The following CLDN10 variants were observed in gnomAD, a reference collection of about 807,000 sequenced individuals.
CLDN10 encodes claudin 10.
A neutral mutation model predicts 22.9 loss-of-function variants in CLDN10; 15 were observed. The ratio of observed to expected loss-of-function variants is 0.65; its 90% CI spans 0.44 to 1.01. The LOEUF (loss-of-function observed/expected upper bound fraction) is 1.01, where lower values mean the gene tolerates loss of function less well. Among genes scored for constraint, CLDN10 ranks in the 50% least tolerant of loss-of-function variants. The pLI is 0.00. For synonymous variants in CLDN10, 114 were observed against 111.4 expected (o/e 1.02, Z -0.15); for missense variants, 247 against 287.8 (o/e 0.86, Z 1.03).
chr13:95,572,814 G>C (rs1258952042), intron 3 of CLDN10, among the ~76,000 whole-genome samples: 7 of 152,154 alleles, frequency 4.6e-5, no homozygotes, highest in Admixed American at 4.6e-4. Flanking sequence ...ACAATACCTG[G>C]CATGTCATTT....
intron 1 of CLDN10, among the ~76,000 whole-genome samples, chr13:95,507,497 A>T (rs549252418): frequency 4.5e-4 from 68 of 152,142 alleles, no homozygotes; most frequent in African/African-American, 1.6e-3. Flanking sequence ...TATAAAGACG[A>T]TGTGGGGTCA....
At chr13:95,566,612 G>T (rs185893658) in intron 3 of CLDN10, among the ~76,000 whole-genome samples, 1 of 152,278 alleles carries the variant, frequency 6.6e-6, no homozygotes, top group African/African-American at 2.4e-5. Context: ...CTGTGCAGAA[G>T]CTCTTTAGTT....
intron 1 of CLDN10, among the ~76,000 whole-genome samples, chr13:95,523,368 T>C (rs1210623608): frequency 6.6e-6 from 1 of 152,244 alleles, no homozygotes; most frequent in Non-Finnish European, 1.5e-5. Flanking sequence ...TAATTCTATA[T>C]GTATTTTAAA....
intron 1 of CLDN10, among the ~76,000 whole-genome samples, chr13:95,440,879 T>A (rs749963535): frequency 1.3e-5 from 2 of 152,154 alleles, no homozygotes; most frequent in Non-Finnish European, 2.9e-5. Context: ...GCTGGAGCGG[T>A]CAGAATGACC....
chr13:95,464,575 T>C (rs930312858), intron 1 of CLDN10, among the ~76,000 whole-genome samples: 1 of 152,168 alleles, frequency 6.6e-6, no homozygotes, highest in African/African-American at 2.4e-5. Flanking sequence ...TGTGCATGTG[T>C]CTTTATAGCA....
intron 1 of CLDN10, among the ~76,000 whole-genome samples, chr13:95,486,768 G>A (rs2042808995): frequency 6.6e-6 from 1 of 152,130 alleles, no homozygotes; most frequent in African/African-American, 2.4e-5. Context: ...CCACATTTTA[G>A]CCTCTCAGTT....
Position 95,445,379 on chromosome 13 carries a change from T to C in CLDN10, c.214+11332T>C, listed in dbSNP as rs558007690. On this transcript the variant is annotated intron_variant, in intron 1 of 4. Coordinates refer to the CLDN10 transcript ENST00000376873. Reference sequence around the variant, plus strand: ...TTTGTCTGGAAGAAGCTGAAAGCTATTGAAACATTTTAAGCAGAGAATACC... The same window carrying C: ...TTTGTCTGGAAGAAGCTGAAAGCTACTGAAACATTTTAAGCAGAGAATACC... 4.6e-5 allele frequency among the ~76,000 whole-genome samples: 7 copies of C among 152,342 alleles called. No homozygotes were observed. The East Asian group carries it at 7.7e-4, about 17-fold the overall frequency.
At chr13:95,463,330 CTT>C (rs869042850) in intron 1 of CLDN10, among the ~76,000 whole-genome samples, 921 of 36,954 alleles carry the variant, frequency 0.025, 11 homozygotes, top group Non-Finnish European at 0.034. Context: ...ATATATTTGC[CTT>C]TTTTTTTTTT....
At chr13:95,466,019 G>T (rs2139095202) in intron 1 of CLDN10, among the ~76,000 whole-genome samples, 1 of 151,808 alleles carries the variant, frequency 6.6e-6, no homozygotes, top group South Asian at 2.1e-4. Flanking sequence ...TTTAGTCATG[G>T]TGTATGTTTA....
intron 1 of CLDN10, among the ~76,000 whole-genome samples, chr13:95,492,612 G>A (rs1210794948): frequency 6.6e-6 from 1 of 152,110 alleles, no homozygotes; most frequent in Non-Finnish European, 1.5e-5. Flanking sequence ...GGAAGAAAAG[G>A]GCTTCAGTTC....
chr13:95,522,531 T>C (rs1040114655), intron 1 of CLDN10, among the ~76,000 whole-genome samples: 6 of 152,214 alleles, frequency 3.9e-5, no homozygotes, highest in African/African-American at 9.6e-5. Flanking sequence ...AAAGTAAATG[T>C]TCCATGGATG....
chr13:95,441,024 C>A (rs1266449795), intron 1 of CLDN10, among the ~76,000 whole-genome samples: 1 of 152,186 alleles, frequency 6.6e-6, no homozygotes, highest in Non-Finnish European at 1.5e-5. Flanking sequence ...GGGGCCAGGA[C>A]CTTATCTCAT....
intron 1 of CLDN10, among the ~76,000 whole-genome samples, chr13:95,557,878 G>T (rs1325949709): frequency 6.6e-6 from 1 of 152,150 alleles, no homozygotes; most frequent in African/African-American, 2.4e-5. Context: ...GTTGGCCTGG[G>T]ATTCTACCCA....
chr13:95,443,181 C>A (rs1309928124), intron 1 of CLDN10, among the ~76,000 whole-genome samples: 1 of 152,180 alleles, frequency 6.6e-6, no homozygotes, highest in Non-Finnish European at 1.5e-5. Flanking sequence ...TGCTAGCTCC[C>A]AAATTTGTGT....
chr13:95,558,417 T>C lies in CLDN10; in HGVS notation c.221-1715T>C, dbSNP rs146372282. 3.2e-3 allele frequency among the ~76,000 whole-genome samples: 483 copies of C among 152,338 alleles called. 3 individuals are homozygous for C. Among genetic ancestry groups the C allele is most frequent in the Non-Finnish European group, 5.6e-3 (378 of 68,024 alleles). On this transcript the variant is annotated intron_variant, in intron 1 of 4. Coordinates refer to ENST00000299339, the MANE Select transcript of CLDN10 (RefSeq NM_006984.5). ...CTTCATTATCCTGTTTTGCTAAAAATAAGTTTGTTTTGCTGTTTTTGATAG... is the reference window on the plus strand; with the variant it reads ...CTTCATTATCCTGTTTTGCTAAAAACAAGTTTGTTTTGCTGTTTTTGATAG...
In CLDN10 at chr13:95,465,637, A is replaced by T. The variant is rs562906915; in HGVS notation, c.214+31590A>T. On this transcript the variant is annotated intron_variant, in intron 1 of 4. Transcript: ENST00000376873. ...GAAATACACACACTTCCTATCATTT[A>T]AGAGTTTTCATTCTACACTCCTCTT... Among the ~76,000 whole-genome samples, 4 of 152,332 alleles carry T rather than the reference A, an allele frequency of 2.6e-5. No individual in the cohort carries two copies. The South Asian group carries it at 8.3e-4, about 32-fold the overall frequency.
intron 1 of CLDN10, among the ~76,000 whole-genome samples, chr13:95,456,075 C>G (rs1274901627): frequency 6.6e-6 from 1 of 152,226 alleles, no homozygotes. Context: ...ATAAAAATGA[C>G]TGCATCAGGC....
chr13:95,469,862 T>G (rs1284666124), intron 1 of CLDN10, among the ~76,000 whole-genome samples: 1 of 152,214 alleles, frequency 6.6e-6, no homozygotes, highest in South Asian at 2.1e-4. Flanking sequence ...TTTAATTTTT[T>G]ACTTGCCCAG....
At chr13:95,478,380 A>G (rs941751793) in intron 1 of CLDN10, among the ~76,000 whole-genome samples, 5 of 152,242 alleles carry the variant, frequency 3.3e-5, no homozygotes, top group Non-Finnish European at 5.9e-5. Context: ...GGAGATTCAG[A>G]TTTAATTGAG....
Sources: gnomAD v4.1 joint callset for allele counts (sites outside exome capture counted in the v4.1 genomes callset) on GRCh38, gnomAD v4.1.1 for gene constraint, MANE v1.5 for transcripts, NCBI Gene and HGNC (gene_info 2026-07-23, HGNC 2026-07-21) for gene names.